COL4A2: variants seen among roughly 807,000 people sequenced by gnomAD.
The protein encoded by COL4A2 is collagen alpha-2(IV) chain.
COL4A2 carries 99 observed loss-of-function variants against 200.2 expected under a neutral mutation model. The observed-to-expected ratio is 0.49, with a 90% CI of 0.42 to 0.58. The LOEUF (loss-of-function observed/expected upper bound fraction) is 0.58, where lower values mean the gene tolerates loss of function less well. Ranked by LOEUF, COL4A2 falls within the 20% of genes least tolerant of loss-of-function variation. The pLI is 0.00. For synonymous variants in COL4A2, 897 were observed against 900.6 expected (o/e 1.00, Z 0.07); for missense variants, 1,950 against 2,314.1 (o/e 0.84, Z 3.23).
intron 4 of COL4A2, among the ~76,000 whole-genome samples, chr13:110,397,761 G>A (rs571581711): frequency 6.6e-6 from 1 of 152,348 alleles, no homozygotes; most frequent in South Asian, 2.1e-4. Flanking sequence ...ATGAGGGCAG[G>A]AGAAAGAATC....
chr13:110,375,809 GAC>G (rs1301386892), intron 4 of COL4A2, among the ~76,000 whole-genome samples: 1 of 151,814 alleles, frequency 6.6e-6, no homozygotes, highest in Non-Finnish European at 1.5e-5. Flanking sequence ...CAGCCTGGAT[GAC>G]AGAGTGAGAC....
chr13:110,436,159 G>A (rs760416021), intron 12 of COL4A2, 110 bp from the exon 13 acceptor site: 3 of 1,482,852 alleles, frequency 2.0e-6, no homozygotes, highest in African/African-American at 1.4e-5. Flanking sequence ...CATATGGTAA[G>A]TAATATGCAA....
intron 39 of COL4A2, 98 bp downstream of exon 39, chr13:110,493,380 C>G (rs1883352533): frequency 7.6e-7 from 1 of 1,319,162 alleles, no homozygotes; most frequent in Admixed American, 1.9e-5. Flanking sequence ...AATGGAGGGT[C>G]TCAGAGAGCA....
chr13:110,342,637 AT>A (rs1481025852), intron 3 of COL4A2, among the ~76,000 whole-genome samples: 1 of 152,110 alleles, frequency 6.6e-6, no homozygotes, highest in Non-Finnish European at 1.5e-5. Flanking sequence ...GGTTCTACCC[AT>A]TTTTTAAATG....
intron 3 of COL4A2, among the ~76,000 whole-genome samples, chr13:110,316,487 C>T (rs534828127): frequency 3.9e-5 from 6 of 152,348 alleles, no homozygotes; most frequent in South Asian, 2.1e-4. Context: ...CTGTCCTCCC[C>T]GCCTTCCAGT....
chr13:110,383,180 A>G lies in COL4A2; in HGVS notation c.180+25628A>G, dbSNP rs1325401897. ...GTGCCATGTTCTGCGTATCCACGCT[A>G]GGATGTGGCCTTTTTGAGCCATGGA... On this transcript the variant is annotated intron_variant, in intron 4 of 47. Transcript: ENST00000360467. Among the ~76,000 whole-genome samples the G allele has an allele frequency of 5.9e-5, 9 of 152,250 alleles. No individual in the cohort carries two copies. In the South Asian group the frequency reaches 1.4e-3, roughly 24 times the overall value.
At chr13:110,406,665 C>A (rs760173049) in intron 4 of COL4A2, among the ~76,000 whole-genome samples, 2 of 151,712 alleles carry the variant, frequency 1.3e-5, no homozygotes, top group Non-Finnish European at 2.9e-5. Flanking sequence ...ATACATTAGC[C>A]GAGACGCTTT....
chr13:110,467,110 G>A lies in COL4A2; in HGVS notation c.2095+14G>A, dbSNP rs768710957. The A allele has an allele frequency of 8.1e-6, 13 of 1,613,700 alleles. No individual in the cohort carries two copies. The highest frequency in any genetic ancestry group is 1.7e-6 in the Non-Finnish European group (2 of 1,179,886). ...CAGGCCCCACAGGTAATGCACGGAG[G>A]GAACCTGGAGTGCACCCAGCCTTCC... On this transcript the variant is annotated intron_variant, in intron 27 of 47. Transcript: ENST00000360467.
At chr13:110,507,855 G>A (rs527350248) in intron 46 of COL4A2, 80 bp from the exon 47 acceptor site, 33 of 1,470,710 alleles carry the variant, frequency 2.2e-5, no homozygotes, top group Non-Finnish European at 2.9e-5. Context: ...GTGACACACA[G>A]CCTCCTGGGC....
At chr13:110,473,383 G>C in intron 29 of COL4A2, 2 of 505,888 alleles carry the variant, frequency 4.0e-6, no homozygotes, top group Non-Finnish European at 6.9e-6. Flanking sequence ...TGACAGGTGT[G>C]GATTCACTGA....
intron 28 of COL4A2, among the ~76,000 whole-genome samples, chr13:110,471,498 A>C (rs1430882366): frequency 6.6e-6 from 1 of 152,218 alleles, no homozygotes; most frequent in Non-Finnish European, 1.5e-5. Flanking sequence ...GATTGCAAAA[A>C]TCAGAGAGTC....
At chr13:110,408,750 A>G (rs1230041453) in intron 4 of COL4A2, among the ~76,000 whole-genome samples, 1 of 152,162 alleles carries the variant, frequency 6.6e-6, no homozygotes, top group Non-Finnish European at 1.5e-5. Flanking sequence ...CACAGGTCAT[A>G]ATGAGAGCAG....
chr13:110,326,293 T>C (rs1018295332), intron 3 of COL4A2, among the ~76,000 whole-genome samples: 1 of 152,192 alleles, frequency 6.6e-6, no homozygotes, highest in African/African-American at 2.4e-5. Flanking sequence ...AGAATTAAAT[T>C]CTACAGTGTA....
chr13:110,364,478 C>T (rs1019925844), intron 4 of COL4A2, among the ~76,000 whole-genome samples: 4 of 152,126 alleles, frequency 2.6e-5, no homozygotes, highest in South Asian at 2.1e-4. Flanking sequence ...GCCAGAAATT[C>T]GTAATTGCTT....
intron 17 of COL4A2, among the ~76,000 whole-genome samples, chr13:110,446,102 C>T (rs1219444895): frequency 1.3e-5 from 2 of 152,294 alleles, no homozygotes; most frequent in East Asian, 3.9e-4. Context: ...CACTCAGGGC[C>T]ACGTAGGGGT....
Position 110,492,126 on chromosome 13 carries a change from C to G in COL4A2, c.3511C>G (p.Leu1171Val). 1 of 1,553,678 alleles carries G rather than the reference C, an allele frequency of 6.4e-7. No homozygotes were observed. The highest frequency in any genetic ancestry group is 8.7e-7 in the Non-Finnish European group (1 of 1,147,886). The change falls in exon 38 of 48, where the codon CTG (leucine) becomes GTG (valine). Residue 1171 changes from leucine to valine, a missense_variant. Around this residue, in one of 2 missense-constraint regions of COL4A2, gnomAD observed 1,385 missense variants for 1,720.5 expected, o/e 0.80. Transcript: ENST00000360467. ...GSQGELGRIG[L>V]PGGKGDDGWP... ...GCAGGGAGAGCTGGGGCGGATTGGA[C>G]TGCCTGGTGGCAAAGGAGATGATGG...
chr13:110,307,586 G>A lies in COL4A2; in HGVS notation c.-45+58G>A. 1.0e-5 allele frequency: 4 copies of A among 386,180 alleles called. No homozygotes were observed. Among genetic ancestry groups the A allele is most frequent in the Non-Finnish European group, 1.8e-5 (4 of 217,252 alleles). 23.9% of individuals were successfully genotyped at this position (386,180 alleles called of 1,614,324 possible). ...TGGCCCGAGAGCACCGACTTGGAGCGCCTTGTGCAGGCTAGGGCTGCACGC... is the reference window on the plus strand; with the variant it reads ...TGGCCCGAGAGCACCGACTTGGAGCACCTTGTGCAGGCTAGGGCTGCACGC... On this transcript the variant is annotated intron_variant, in intron 1 of 47. Coordinates refer to ENST00000360467, the MANE Select transcript of COL4A2 (RefSeq NM_001846.4). The surrounding 1 kb of genome is among the most constrained non-coding windows in gnomAD (Gnocchi z 5.0).
At chr13:110,494,294 C>T (rs1883381247) in intron 39 of COL4A2, among the ~76,000 whole-genome samples, 1 of 151,860 alleles carries the variant, frequency 6.6e-6, no homozygotes, top group Non-Finnish European at 1.5e-5. Flanking sequence ...TCCCTTTAAC[C>T]CTGTCCTCCC....
intron 4 of COL4A2, among the ~76,000 whole-genome samples, chr13:110,404,189 AG>A (rs1666467601): frequency 6.6e-6 from 1 of 152,244 alleles, no homozygotes; most frequent in Admixed American, 6.5e-5. Flanking sequence ...AGTAAAAGCT[AG>A]CAAATAATAT....
Sources: gnomAD v4.1 joint callset for allele counts (sites outside exome capture counted in the v4.1 genomes callset) on GRCh38, gnomAD v4.1.1 for gene constraint, gnomAD v4.1.1 regional missense constraint, Gnocchi (gnomAD v3.1) non-coding constraint, MANE v1.5 for transcripts, NCBI Gene and HGNC (gene_info 2026-07-23, HGNC 2026-07-21) for gene names.